Variants in RERE observed in about 807,000 individuals in gnomAD.
RERE encodes arginine-glutamic acid dipeptide repeats protein.
In RERE, 40 loss-of-function variants were observed where a neutral mutation model predicts 146.1. The observed-to-expected ratio is 0.27, with a 90% CI of 0.21 to 0.36. The LOEUF (loss-of-function observed/expected upper bound fraction) is 0.36. Ranked by LOEUF, RERE falls within the 10% of genes least tolerant of loss-of-function variation. The pLI is 1.00. For missense variants in RERE, 1,933 were observed against 2,138.7 expected, an observed-to-expected ratio of 0.90 and a Z score of 1.90; for synonymous variants, 1,003 against 866.0, an observed-to-expected ratio of 1.16 and a Z score of -2.78.
At chr1:8,756,229 A>G (rs1387013186) in intron 1 of RERE, among the ~76,000 whole-genome samples, 1 of 152,232 alleles carries the variant, frequency 6.6e-6, no homozygotes, top group Non-Finnish European at 1.5e-5. Context: ...TCTTACAAGC[A>G]ACTAATTCAC....
At chr1:8,773,465 G>A (rs548739925) in intron 1 of RERE, among the ~76,000 whole-genome samples, 1 of 152,158 alleles carries the variant, frequency 6.6e-6, no homozygotes, top group Admixed American at 6.6e-5. Flanking sequence ...AGGCCAAGGT[G>A]CGCCAATCAC....
chr1:8,382,429 C>T (rs1478359426), intron 12 of RERE, among the ~76,000 whole-genome samples: 3 of 152,292 alleles, frequency 2.0e-5, no homozygotes, highest in Non-Finnish European at 4.4e-5. Context: ...TAGGCTTTGG[C>T]TCAGCCACGT....
At chr1:8,496,922 C>A (rs757423164) in intron 9 of RERE, among the ~76,000 whole-genome samples, 3 of 152,180 alleles carry the variant, frequency 2.0e-5, no homozygotes, top group Non-Finnish European at 4.4e-5. Flanking sequence ...AAGTGCAGAA[C>A]GTGTCGGTTT....
At chr1:8,539,402 CT>C (rs5772326) in intron 7 of RERE, among the ~76,000 whole-genome samples, 96,017 of 150,646 alleles carry the variant, frequency 0.64, 31,007 homozygotes, top group East Asian at 0.83. Context: ...CTTTCTTTTC[CT>C]TTTTTTTTTC....
intron 10 of RERE, among the ~76,000 whole-genome samples, chr1:8,488,339 G>A (rs1191186336): frequency 2.6e-5 from 4 of 152,058 alleles, no homozygotes; most frequent in South Asian, 2.1e-4. Context: ...TCCGCCTCCC[G>A]GGTTCAAGTG....
At chr1:8,708,373 T>G (rs1282274040) in intron 1 of RERE, among the ~76,000 whole-genome samples, 1 of 152,054 alleles carries the variant, frequency 6.6e-6, no homozygotes, top group Non-Finnish European at 1.5e-5. Flanking sequence ...TGCAGTGGCA[T>G]GATCTCAGCT....
chr1:8,774,951 CTTTTTTTTTTTTTT>C (rs869173167), intron 1 of RERE, among the ~76,000 whole-genome samples: 29 of 47,976 alleles, frequency 6.0e-4, no homozygotes, highest in African/African-American at 1.8e-3. Flanking sequence ...TTCTTTCTTT[CTTTTTTTTTTTTTT>C]TTTTTTTTTT....
chr1:8,497,566 T>C (rs1156586193), intron 8 of RERE, 37 bp from the exon 9 acceptor site: 4 of 1,611,102 alleles, frequency 2.5e-6, no homozygotes, highest in East Asian at 2.2e-5. Flanking sequence ...AATCAAGGCA[T>C]GTATTAATTA....
chr1:8,448,517 G>C (rs1299406594), intron 11 of RERE, among the ~76,000 whole-genome samples: 4 of 152,196 alleles, frequency 2.6e-5, no homozygotes, highest in Admixed American at 6.5e-5. Flanking sequence ...CCAGTACTTT[G>C]GGAGGCCGAG....
At chr1:8,445,650 C>G (rs1644306746) in intron 11 of RERE, among the ~76,000 whole-genome samples, 1 of 151,990 alleles carries the variant, frequency 6.6e-6, no homozygotes, top group Non-Finnish European at 1.5e-5. Flanking sequence ...AGACAATCGT[C>G]TCCATCAGCA....
At chr1:8,462,962 C>T (rs964604264) in intron 11 of RERE, among the ~76,000 whole-genome samples, 2 of 152,030 alleles carry the variant, frequency 1.3e-5, no homozygotes, top group African/African-American at 4.8e-5. Context: ...GGAGGTAGGC[C>T]CATGTATTTA....
rs1054597072 is a variant in RERE at position 8,485,368 on chromosome 1, A to C, written c.1104+9695T>G. ...AACAGCGAAACTCTGTCTCAAAAAA[A>C]AGACATACGGCTAAAGTTTTATATA... is the stretch of plus-strand genomic sequence containing the variant. On this transcript the variant is annotated intron_variant, in intron 10 of 22. Transcript: ENST00000400908. 4.6e-5 allele frequency among the ~76,000 whole-genome samples: 7 copies of C among 152,298 alleles called. No homozygotes were observed. The East Asian group carries it at 1.2e-3, about 25-fold the overall frequency.
rs1446067833 is a variant in RERE at position 8,650,477 on chromosome 1, A to G, written c.325+5496T>C. On this transcript the variant is annotated intron_variant, in intron 2 of 22. Coordinates refer to ENST00000400908, the MANE Select transcript of RERE (RefSeq NM_001042681.2). ...AGAAATAAATGAGTATTAAAGATCT[A>G]TTCACTTGGAAGCGGTGGTTCACGT... Among the ~76,000 whole-genome samples, 3 of 152,192 alleles carry G rather than the reference A, an allele frequency of 2.0e-5. No homozygotes were observed. In the East Asian group the frequency reaches 5.8e-4, roughly 29 times the overall value.
At chr1:8,603,407 C>T (rs991907881) in intron 4 of RERE, among the ~76,000 whole-genome samples, 1 of 152,152 alleles carries the variant, frequency 6.6e-6, no homozygotes, top group Admixed American at 6.5e-5. Flanking sequence ...GGAATCCAGC[C>T]GTCTACACAA....
intron 11 of RERE, among the ~76,000 whole-genome samples, chr1:8,439,056 G>T (rs888493542): frequency 1.3e-5 from 2 of 152,158 alleles, no homozygotes; most frequent in African/African-American, 2.4e-5. Context: ...CTGGAGAAGC[G>T]CTGGCCACGG....
chr1:8,435,180 T>G (rs1644151870), intron 11 of RERE, among the ~76,000 whole-genome samples: 1 of 152,250 alleles, frequency 6.6e-6, no homozygotes, highest in South Asian at 2.1e-4. Context: ...TTTGCATGCC[T>G]CTCTATAACC....
At chr1:8,366,511 G>A (rs1407921884) in intron 12 of RERE, among the ~76,000 whole-genome samples, 1 of 152,150 alleles carries the variant, frequency 6.6e-6, no homozygotes, top group Non-Finnish European at 1.5e-5. Context: ...AGGAACCAGG[G>A]CCAAACAGAA....
At chr1:8,478,933 T>A (rs1644795866) in intron 10 of RERE, among the ~76,000 whole-genome samples, 1 of 152,228 alleles carries the variant, frequency 6.6e-6, no homozygotes, top group South Asian at 2.1e-4. Flanking sequence ...TAGTTATACA[T>A]GACAATTTTG....
intron 4 of RERE, among the ~76,000 whole-genome samples, chr1:8,573,519 A>C (rs1485044854): frequency 6.6e-6 from 1 of 152,218 alleles, no homozygotes; most frequent in Non-Finnish European, 1.5e-5. Context: ...TATACAGCAC[A>C]TCACAATGTG....
Sources: gnomAD v4.1 joint callset for allele counts (sites outside exome capture counted in the v4.1 genomes callset) on GRCh38, gnomAD v4.1.1 for gene constraint, MANE v1.5 for transcripts, NCBI Gene and HGNC (gene_info 2026-07-23, HGNC 2026-07-21) for gene names.